Variants in GPHN observed in about 807,000 individuals in gnomAD.
GPHN encodes the protein gephyrin.
Under a neutral mutation model 95.5 loss-of-function variants are expected in GPHN, and 17 were observed. The observed-to-expected ratio is 0.18, with a 90% confidence interval of 0.12 to 0.27. The LOEUF (loss-of-function observed/expected upper bound fraction) is 0.27. GPHN is among the 10% of genes least tolerant of loss of function. The probability of loss-of-function intolerance (pLI) is 1.00; values close to 1 mark genes in which losing one functional copy is unlikely to be tolerated. For missense variants in GPHN, 660 were observed against 978.1 expected (o/e 0.67, Z 4.34); for synonymous variants, 320 against 322.5 (o/e 0.99, Z 0.08).
At chr14:67,393,346 G>A in the GPHN span, 12 of 791,046 alleles carry the variant, frequency 1.5e-5, no homozygotes, top group Non-Finnish European at 2.5e-5. Flanking sequence ...GGCAAATGGT[G>A]TGACACACAT....
chr14:66,722,071 A>G (rs960741024), intron 2 of GPHN, among the ~76,000 whole-genome samples: 1 of 151,784 alleles, frequency 6.6e-6, no homozygotes, highest in African/African-American at 2.4e-5. Context: ...ATACTTATAT[A>G]TAAGTATTGT....
the GPHN span, among the ~76,000 whole-genome samples, chr14:67,311,264 T>C: frequency 2.7e-5 from 4 of 150,484 alleles, no homozygotes; most frequent in South Asian, 6.3e-4. Context: ...TGAGCCAAGA[T>C]TGTGCCACTG....
At chr14:66,876,189 C>A (rs571301288) in intron 4 of GPHN, among the ~76,000 whole-genome samples, 1 of 152,112 alleles carries the variant, frequency 6.6e-6, no homozygotes, top group Admixed American at 6.6e-5. Context: ...TAAATAAGTT[C>A]TTTGAAACCA....
chr14:66,865,936 G>A (rs894186594), intron 4 of GPHN, among the ~76,000 whole-genome samples: 3 of 152,144 alleles, frequency 2.0e-5, no homozygotes, highest in Non-Finnish European at 4.4e-5. Context: ...CATCAAGGTA[G>A]CATCAAAGGA....
the GPHN span, among the ~76,000 whole-genome samples, chr14:67,699,245 C>G: frequency 6.7e-6 from 1 of 149,254 alleles, no homozygotes; most frequent in Non-Finnish European, 1.5e-5. Flanking sequence ...AAGAGCGAGA[C>G]TCTATCTCAG....
At chr14:66,749,621 T>G (rs878982747) in intron 2 of GPHN, among the ~76,000 whole-genome samples, 1 of 152,068 alleles carries the variant, frequency 6.6e-6, no homozygotes, top group East Asian at 1.9e-4. Flanking sequence ...TTCACATTAT[T>G]ATTTGTCATC....
At chr14:67,593,969 A>G in the GPHN span, 1 of 1,563,960 alleles carries the variant, frequency 6.4e-7, no homozygotes, top group South Asian at 1.1e-5. Flanking sequence ...AGAGAGCCAG[A>G]CACAGACAGT....
intron 1 of GPHN, among the ~76,000 whole-genome samples, chr14:66,536,606 A>G (rs1282041905): frequency 6.6e-6 from 1 of 151,972 alleles, no homozygotes; most frequent in African/African-American, 2.4e-5. Flanking sequence ...TTTTATTTCA[A>G]AGTGTTTGTG....
chr14:67,074,264 G>A (rs1038813081), intron 11 of GPHN, among the ~76,000 whole-genome samples: 1 of 151,016 alleles, frequency 6.6e-6, no homozygotes, highest in Non-Finnish European at 1.5e-5. Flanking sequence ...TTTTCCAACA[G>A]CATGTGTTCC....
the GPHN span, chr14:67,503,348 T>C: frequency 2.0e-5 from 3 of 152,220 alleles, no homozygotes; most frequent in Admixed American, 6.5e-5. Context: ...GGCGTGTGTA[T>C]GCCAGATTAG....
chr14:66,593,863 G>T (rs2061862299), intron 1 of GPHN, among the ~76,000 whole-genome samples: 1 of 152,104 alleles, frequency 6.6e-6, no homozygotes, highest in South Asian at 2.1e-4. Context: ...ATTCAAATTG[G>T]AAAGGAAGAA....
chr14:67,490,592 C>T, the GPHN span, among the ~76,000 whole-genome samples: 4 of 152,188 alleles, frequency 2.6e-5, no homozygotes, highest in East Asian at 1.9e-4. Context: ...AAATTCCCTT[C>T]GCACCATTTT....
intron 9 of GPHN, among the ~76,000 whole-genome samples, chr14:66,965,951 T>C (rs1378711893): frequency 6.6e-6 from 1 of 152,154 alleles, no homozygotes; most frequent in Non-Finnish European, 1.5e-5. Context: ...GCTGTTCACA[T>C]CTTTGTATAC....
chr14:67,380,654 AC>A, the GPHN span: 1 of 1,490,990 alleles, frequency 6.7e-7, no homozygotes, highest in Non-Finnish European at 9.0e-7. Flanking sequence ...TATGTTTTTG[AC>A]CAGAGACCCA....
chr14:66,756,740 A>T (rs1034392062), intron 2 of GPHN, among the ~76,000 whole-genome samples: 1 of 152,222 alleles, frequency 6.6e-6, no homozygotes, highest in African/African-American at 2.4e-5. Context: ...TATAATTGTC[A>T]TAAGATCCTC....
chr14:67,397,769 C>A, the GPHN span: 4 of 1,613,288 alleles, frequency 2.5e-6, no homozygotes, highest in Non-Finnish European at 3.4e-6. Flanking sequence ...TTGTAGTACA[C>A]CAGCGTGTTC....
chr14:67,254,031 C>CT, the GPHN span, among the ~76,000 whole-genome samples: 20 of 141,610 alleles, frequency 1.4e-4, no homozygotes, highest in African/African-American at 5.4e-4. Context: ...TTCATCCCCC[C>CT]CCCCTTACAA....
chr14:67,191,507 C>A, the GPHN span, among the ~76,000 whole-genome samples: 1 of 152,200 alleles, frequency 6.6e-6, no homozygotes, highest in South Asian at 2.1e-4. Context: ...TTCCCACTCT[C>A]TCCCCTTCCC....
chr14:66,696,837 ATTTAT>A (rs1249354331), intron 2 of GPHN, among the ~76,000 whole-genome samples: 1 of 152,204 alleles, frequency 6.6e-6, no homozygotes, highest in African/African-American at 2.4e-5. Context: ...GATGCTATGA[ATTTAT>A]TTTGTTTTTC....
Sources: gnomAD v4.1 joint callset for allele counts (sites outside exome capture counted in the v4.1 genomes callset) on GRCh38, gnomAD v4.1.1 for gene constraint, MANE v1.5 for transcripts, NCBI Gene and HGNC (gene_info 2026-07-23, HGNC 2026-07-21) for gene names.